BCKDHB: variants seen among roughly 807,000 people sequenced by gnomAD.
BCKDHB encodes the protein branched chain keto acid dehydrogenase E1 subunit beta, also known as 2-oxoisovalerate dehydrogenase subunit beta, mitochondrial.
Under a neutral mutation model 48.5 loss-of-function variants are expected in BCKDHB, and 41 were observed. The ratio of observed to expected loss-of-function variants is 0.85; its 90% CI spans 0.66 to 1.10. The LOEUF is 1.10. Among genes scored for constraint, BCKDHB ranks in the 50% least tolerant of loss-of-function variants. BCKDHB has a pLI of 0.00. For synonymous variants in BCKDHB, 201 were observed against 174.8 expected (o/e 1.15, Z -1.18); for missense variants, 496 against 494.2 (o/e 1.00, Z -0.03).
intron 9 of BCKDHB, among the ~76,000 whole-genome samples, chr6:80,298,693 G>A (rs952126700): frequency 6.6e-6 from 1 of 152,182 alleles, no homozygotes; most frequent in African/African-American, 2.4e-5. Context: ...TGGTCTCTGG[G>A]CAAGATGGTC....
chr6:80,372,189 G>T, the BCKDHB span, among the ~76,000 whole-genome samples: 2 of 151,408 alleles, frequency 1.3e-5, no homozygotes, highest in Non-Finnish European at 3.0e-5. Flanking sequence ...TTTTGTAGAG[G>T]TCCTTGTTTA....
At chr6:80,273,114 G>A (rs1777820603) in intron 8 of BCKDHB, 21 bp from the exon 9 acceptor site, 1 of 1,592,530 alleles carries the variant, frequency 6.3e-7, no homozygotes, top group African/African-American at 1.3e-5. Flanking sequence ...TTTAACATCA[G>A]GTTTTTCTTT....
intron 8 of BCKDHB, among the ~76,000 whole-genome samples, chr6:80,243,083 G>T (rs1462991864): frequency 4.6e-5 from 7 of 152,152 alleles, no homozygotes; most frequent in Admixed American, 4.6e-4. Context: ...AGACTAACTG[G>T]ACAGTATGGC....
intron 9 of BCKDHB, among the ~76,000 whole-genome samples, chr6:80,325,411 C>G (rs1768983978): frequency 6.6e-6 from 1 of 152,074 alleles, no homozygotes; most frequent in Non-Finnish European, 1.5e-5. Flanking sequence ...TCATTTAAGA[C>G]CCTGCAATCT....
the BCKDHB span, among the ~76,000 whole-genome samples, chr6:80,386,746 T>A: frequency 1.3e-5 from 2 of 152,162 alleles, no homozygotes; most frequent in Non-Finnish European, 2.9e-5. Context: ...TTCCTAGAAG[T>A]GAAATTGATA....
At chr6:80,315,396 A>C (rs937198810) in intron 9 of BCKDHB, among the ~76,000 whole-genome samples, 1 of 151,936 alleles carries the variant, frequency 6.6e-6, no homozygotes, top group East Asian at 1.9e-4. Context: ...CCTTGACTAC[A>C]TGTCACTCCC....
intron 9 of BCKDHB, among the ~76,000 whole-genome samples, chr6:80,284,692 TTTTTAAAAA>T (rs1766542358): frequency 6.6e-6 from 1 of 152,178 alleles, no homozygotes; most frequent in South Asian, 2.1e-4. Flanking sequence ...AATATTTATG[TTTTTAAAAA>T]TGCCTTAAGG....
chr6:80,335,017 A>G (rs894560675), intron 9 of BCKDHB, among the ~76,000 whole-genome samples: 7 of 152,026 alleles, frequency 4.6e-5, no homozygotes, highest in Admixed American at 3.9e-4. Flanking sequence ...TTCGTTTTGT[A>G]ATTAGTCTTC....
chr6:80,241,908 T>C (rs1279851227), intron 8 of BCKDHB, among the ~76,000 whole-genome samples: 1 of 152,132 alleles, frequency 6.6e-6, no homozygotes, highest in Non-Finnish European at 1.5e-5. Context: ...TGGGGGAAAA[T>C]TTTTCTTACT....
chr6:80,159,138 AC>A (rs1772193850), intron 3 of BCKDHB, among the ~76,000 whole-genome samples: 1 of 152,166 alleles, frequency 6.6e-6, no homozygotes, highest in African/African-American at 2.4e-5. Flanking sequence ...GCCTAGAAAT[AC>A]CCAGTTTAAG....
the BCKDHB span, among the ~76,000 whole-genome samples, chr6:80,402,533 G>T: frequency 2.0e-5 from 3 of 151,824 alleles, no homozygotes; most frequent in African/African-American, 7.2e-5. Flanking sequence ...TGTGTGGTTT[G>T]TGAACACTTT....
At chr6:80,457,104 TAAAC>T in the BCKDHB span, among the ~76,000 whole-genome samples, 1 of 152,138 alleles carries the variant, frequency 6.6e-6, no homozygotes, top group African/African-American at 2.4e-5. Context: ...AGCTAGAGAG[TAAAC>T]AAGAAGCATA....
intron 3 of BCKDHB, among the ~76,000 whole-genome samples, chr6:80,138,456 A>G (rs967082074): frequency 1.3e-5 from 2 of 151,270 alleles, no homozygotes; most frequent in Non-Finnish European, 2.9e-5. Flanking sequence ...CCCCAACCCC[A>G]CAACAGTCCC....
chr6:80,144,473 C>T (rs1008209227), intron 3 of BCKDHB, among the ~76,000 whole-genome samples: 2 of 152,116 alleles, frequency 1.3e-5, no homozygotes, highest in Non-Finnish European at 1.5e-5. Flanking sequence ...ATTTAATGCA[C>T]TAGTTGTGTT....
intron 9 of BCKDHB, among the ~76,000 whole-genome samples, chr6:80,304,219 T>G (rs1027154124): frequency 2.6e-5 from 4 of 152,136 alleles, no homozygotes; most frequent in Non-Finnish European, 5.9e-5. Flanking sequence ...TCTTCACTTG[T>G]AGTAGGCTTT....
the BCKDHB span, among the ~76,000 whole-genome samples, chr6:80,383,361 T>C: frequency 1.0e-3 from 152 of 152,080 alleles, no homozygotes; most frequent in Non-Finnish European, 1.8e-3. Context: ...GTTCTATAAT[T>C]TTTAAAAACA....
intron 9 of BCKDHB, among the ~76,000 whole-genome samples, chr6:80,320,847 A>G (rs1181615885): frequency 6.6e-6 from 1 of 152,196 alleles, no homozygotes; most frequent in Non-Finnish European, 1.5e-5. Context: ...AACAATGGCC[A>G]TATTTCTGAA....
intron 6 of BCKDHB, among the ~76,000 whole-genome samples, chr6:80,186,937 A>G (rs1028053677): frequency 3.9e-5 from 6 of 152,150 alleles, no homozygotes; most frequent in Non-Finnish European, 5.9e-5. Flanking sequence ...CCCCACTCAC[A>G]CTTTGGGAAC....
intron 6 of BCKDHB, among the ~76,000 whole-genome samples, chr6:80,179,020 G>T (rs924567771): frequency 1.3e-5 from 2 of 152,040 alleles, no homozygotes; most frequent in African/African-American, 4.8e-5. Flanking sequence ...TAATTAAAAT[G>T]ATCTTATTTT....
Sources: gnomAD v4.1 joint callset for allele counts (sites outside exome capture counted in the v4.1 genomes callset) on GRCh38, gnomAD v4.1.1 for gene constraint, MANE v1.5 for transcripts, NCBI Gene and HGNC (gene_info 2026-07-23, HGNC 2026-07-21) for gene names.